Variants in ADSS2 observed in about 807,000 individuals in gnomAD.
The protein encoded by ADSS2 is adenylosuccinate synthetase isozyme 2.
In ADSS2, 30 loss-of-function variants were observed where a neutral mutation model predicts 60.0. The observed-to-expected ratio is 0.50, with a 90% CI of 0.37 to 0.68. ADSS2 has a LOEUF of 0.68. Among genes scored for constraint, ADSS2 ranks in the 30% least tolerant of loss-of-function variants. The pLI, the probability that ADSS2 is intolerant of heterozygous loss-of-function variation, is 0.00. For missense variants in ADSS2, 373 were observed against 554.8 expected (o/e 0.67, Z 3.29); for synonymous variants, 187 against 193.1 (o/e 0.97, Z 0.26).
intron 4 of ADSS2, among the ~76,000 whole-genome samples, chr1:244,432,236 G>A (rs111302304): frequency 6.6e-6 from 1 of 152,092 alleles, no homozygotes; most frequent in Non-Finnish European, 1.5e-5. Context: ...AGAATATTAC[G>A]TATACAAATA....
At chr1:244,410,281 A>T (rs1664381375) in intron 12 of ADSS2, among the ~76,000 whole-genome samples, 1 of 152,196 alleles carries the variant, frequency 6.6e-6, no homozygotes, top group African/African-American at 2.4e-5. Flanking sequence ...GCTGGAAACG[A>T]AGCACAAGGC....
chr1:244,409,590 A>G lies in ADSS2; in HGVS notation c.1367T>C (p.Phe456Ser). 6.2e-7 allele frequency: 1 copy of G among 1,607,994 alleles called. No homozygotes were observed. The highest frequency in any genetic ancestry group is 8.5e-7 in the Non-Finnish European group (1 of 1,175,070). Residue 456 changes from phenylalanine to serine, a missense_variant, in exon 13 of 13, where the codon TTT becomes TCT. Physicochemically the swap from Phe to Ser is radical, Grantham distance 155 (BLOSUM62 -2). Transcript: ENST00000366535. ...GKSRESMIQL[F>S] The stretch of plus-strand genomic sequence containing the variant: ...TTCTTGCATTACTGGCAATCATTAA[A>G]AGAGTTGAATCATAGATTCTCTGGA...
intron 3 of ADSS2, among the ~76,000 whole-genome samples, chr1:244,433,065 C>T (rs1487182618): frequency 3.9e-5 from 6 of 151,932 alleles, no homozygotes; most frequent in Non-Finnish European, 8.8e-5. Context: ...GGTAAAACCC[C>T]GTCTCTACTA....
intron 4 of ADSS2, among the ~76,000 whole-genome samples, chr1:244,431,452 T>C (rs1664942520): frequency 6.6e-6 from 1 of 152,170 alleles, no homozygotes; most frequent in Non-Finnish European, 1.5e-5. Context: ...AATATTTTCA[T>C]AGTTTAAGTA....
intron 3 of ADSS2, among the ~76,000 whole-genome samples, chr1:244,434,570 A>T (rs1308607966): frequency 6.6e-6 from 1 of 152,236 alleles, no homozygotes; most frequent in Non-Finnish European, 1.5e-5. Flanking sequence ...TAAACCTGGA[A>T]TATTAAGCCT....
In ADSS2 at chr1:244,409,731, T is replaced by G; in HGVS notation, c.1319-93A>C. The G allele has an allele frequency of 4.1e-6, 4 of 976,072 alleles. No individual in the cohort carries two copies. In the Admixed American group the frequency reaches 6.0e-5, roughly 15 times the overall value. 60.5% of individuals were successfully genotyped at this position (976,072 alleles called of 1,614,324 possible). On this transcript the variant is annotated intron_variant, in intron 12 of 12. Transcript: ENST00000366535. ...ACAGGTAGTCCCCTACTTTTCTCAG[T>G]ATCACCATAACTTTTCCCTATGTGC...
At chr1:244,432,491 G>C in intron 4 of ADSS2, 54 bp downstream of exon 4, 1 of 1,287,060 alleles carries the variant, frequency 7.8e-7, no homozygotes, top group Admixed American at 2.3e-5. Flanking sequence ...ACTTTCATTT[G>C]ATAAATTTCA....
chr1:244,419,043 C>G (rs1183718186), intron 8 of ADSS2, 129 bp from the exon 9 acceptor site: 1 of 820,402 alleles, frequency 1.2e-6, no homozygotes, highest in African/African-American at 1.8e-5. Context: ...TAACTGCCCT[C>G]TCAAAGACTC....
At chr1:244,433,083 G>A (rs1247400610) in intron 3 of ADSS2, among the ~76,000 whole-genome samples, 1 of 151,790 alleles carries the variant, frequency 6.6e-6, no homozygotes, top group Non-Finnish European at 1.5e-5. Context: ...CTAAAAATAC[G>A]AAATTAGCTG....
chr1:244,441,717 G>A (rs922265770), intron 1 of ADSS2, among the ~76,000 whole-genome samples: 6 of 152,194 alleles, frequency 3.9e-5, no homozygotes, highest in Non-Finnish European at 8.8e-5. Context: ...AGCACTTTGG[G>A]AGGCTGAGGC....
intron 11 of ADSS2, among the ~76,000 whole-genome samples, chr1:244,413,987 C>T (rs3102461): frequency 0.85 from 129,443 of 152,036 alleles, 55,236 homozygotes; most frequent in African/African-American, 0.89. Flanking sequence ...TCTATAGATC[C>T]TGGAAACTGA....
chr1:244,434,987 T>C (rs948695883), intron 3 of ADSS2, among the ~76,000 whole-genome samples: 10 of 151,446 alleles, frequency 6.6e-5, no homozygotes, highest in African/African-American at 2.4e-4. Context: ...GCTAACACGG[T>C]GAAACCCCTT....
Position 244,451,839 on chromosome 1 carries a change from G to C in ADSS2, c.-22C>G, listed in dbSNP as rs763976991. The C allele has an allele frequency of 1.9e-6, 3 of 1,551,490 alleles. No individual in the cohort carries two copies. Among genetic ancestry groups the C allele is most frequent in the Non-Finnish European group, 2.6e-6 (3 of 1,151,430 alleles). On this transcript the variant is annotated 5_prime_UTR_variant, in exon 1 of 13. Transcript: ENST00000366535. The surrounding 1 kb of genome is among the most constrained non-coding windows in gnomAD (Gnocchi z 6.6). ...CCATGGCTCCAGTGACGCGAGGAGA[G>C]CCCGAAGGAGAGGCGGCCGGCGAGG...
At chr1:244,429,214 C>G (rs1026685885) in intron 4 of ADSS2, among the ~76,000 whole-genome samples, 2 of 152,298 alleles carry the variant, frequency 1.3e-5, no homozygotes, top group Non-Finnish European at 2.9e-5. Flanking sequence ...GCCAGAGGAT[C>G]CATAATCAAG....
At chr1:244,448,496 C>T (rs1228436068) in intron 1 of ADSS2, among the ~76,000 whole-genome samples, 1 of 152,240 alleles carries the variant, frequency 6.6e-6, no homozygotes, top group East Asian at 1.9e-4. Context: ...AGAATACACA[C>T]GGAACACTGC....
rs1347844913 is a variant in ADSS2 at position 244,417,748 on chromosome 1, A to G, written c.950T>C (p.Ile317Thr). The G allele has an allele frequency of 6.2e-7, 1 of 1,613,136 alleles. No individual in the cohort carries two copies. The highest frequency in any genetic ancestry group is 2.2e-5 in the East Asian group (1 of 44,836). The change falls in exon 10 of 13, where the codon ATT (isoleucine) becomes ACT (threonine). Residue 317 changes from isoleucine (I) to threonine (T), a missense_variant. Coordinates refer to ENST00000366535, the MANE Select transcript of ADSS2 (RefSeq NM_001126.5). ...GAFPTEQDNEIGELLQTRGRE... is the reference protein window; with the variant it reads ...GAFPTEQDNETGELLQTRGRE... ...ACCCCTTGTTTGTAATAATTCTCCA[A>G]TTTCCTACAGAACAGAAAATTGAAC...
chr1:244,430,509 T>G (rs1401227476), intron 4 of ADSS2, among the ~76,000 whole-genome samples: 2 of 152,248 alleles, frequency 1.3e-5, no homozygotes, highest in African/African-American at 4.8e-5. Context: ...TATTCTGTTT[T>G]GCAATCCTAA....
Position 244,425,218 on chromosome 1 carries a change from G to A in ADSS2, c.407-831C>T, listed in dbSNP as rs918899708. On this transcript the variant is annotated intron_variant, in intron 4 of 12. Coordinates refer to ENST00000366535, the MANE Select transcript of ADSS2 (RefSeq NM_001126.5). ...CAATAAATAGATGGTTTATAGAAGA[G>A]GCAAAACTAGAATTTTGGTCTCTGA... is the stretch of plus-strand genomic sequence containing the variant. Among the ~76,000 whole-genome samples, 4 of 152,234 alleles carry A rather than the reference G, an allele frequency of 2.6e-5. No individual in the cohort carries two copies. The South Asian group carries it at 8.3e-4, about 32-fold the overall frequency.
chr1:244,409,357 C>G lies in ADSS2; in HGVS notation c.*229G>C, dbSNP rs767953645. ...AAAAAAAAACGTGGCACCATGAGAG[C>G]AGCAGGAGCAACAAATGATTTGGCA... On this transcript the variant is annotated 3_prime_UTR_variant, in exon 13 of 13. Coordinates refer to ENST00000366535, the MANE Select transcript of ADSS2 (RefSeq NM_001126.5). 5.5e-5 allele frequency: 23 copies of G among 415,872 alleles called. No individual in the cohort carries two copies. The highest frequency in any genetic ancestry group is 6.4e-5 in the Non-Finnish European group (15 of 234,732). 25.8% of individuals were successfully genotyped at this position (415,872 alleles called of 1,614,324 possible). A position where few individuals can be genotyped will look rare whatever the true frequency, so the allele number is the denominator to read the frequency against.
Sources: gnomAD v4.1 joint callset for allele counts (sites outside exome capture counted in the v4.1 genomes callset) on GRCh38, gnomAD v4.1.1 for gene constraint, Gnocchi (gnomAD v3.1) non-coding constraint, MANE v1.5 for transcripts, NCBI Gene and HGNC (gene_info 2026-07-23, HGNC 2026-07-21) for gene names.